ZBTB20: variants seen among roughly 807,000 people sequenced by gnomAD.
The protein encoded by ZBTB20 is zinc finger and BTB domain-containing protein 20.
ZBTB20 carries 9 observed loss-of-function variants against 56.9 expected under a neutral mutation model. That is an observed-to-expected ratio of 0.16 (90% confidence interval 0.10 to 0.28). The LOEUF is 0.28. Ranked by LOEUF, ZBTB20 falls within the 10% of genes least tolerant of loss-of-function variation. The pLI, the probability that ZBTB20 is intolerant of heterozygous loss-of-function variation, is 1.00. For missense variants in ZBTB20, 655 were observed against 1,003.0 expected (o/e 0.65, Z 4.69); for synonymous variants, 417 against 420.7 (o/e 0.99, Z 0.11).
At chr3:114,949,119 T>C (rs1443339410) in intron 3 of ZBTB20, among the ~76,000 whole-genome samples, 1 of 146,242 alleles carries the variant, frequency 6.8e-6, no homozygotes, top group Non-Finnish European at 1.5e-5. Flanking sequence ...AATATGTCCA[T>C]GAATATGTAG....
At chr3:114,376,171 A>G (rs1217975698) in intron 10 of ZBTB20, among the ~76,000 whole-genome samples, 1 of 152,210 alleles carries the variant, frequency 6.6e-6, no homozygotes, top group Non-Finnish European at 1.5e-5. Flanking sequence ...TAATACGTAT[A>G]GATGGTTTTG....
At chr3:115,111,319 CAAA>C (rs1244543950) in intron 1 of ZBTB20, among the ~76,000 whole-genome samples, 1 of 151,744 alleles carries the variant, frequency 6.6e-6, no homozygotes, top group African/African-American at 2.4e-5. Flanking sequence ...GTATTAATTA[CAAA>C]AAGAGTTATG....
chr3:114,643,419 A>C (rs534623780), intron 6 of ZBTB20, among the ~76,000 whole-genome samples: 1 of 152,148 alleles, frequency 6.6e-6, no homozygotes, highest in Non-Finnish European at 1.5e-5. Context: ...ATGGACTGGG[A>C]ACTGATATAG....
At chr3:114,475,080 C>T (rs1326987679) in intron 7 of ZBTB20, among the ~76,000 whole-genome samples, 3 of 152,184 alleles carry the variant, frequency 2.0e-5, no homozygotes, top group Non-Finnish European at 4.4e-5. Context: ...TCCCAATATA[C>T]TTTTACCGCT....
intron 5 of ZBTB20, among the ~76,000 whole-genome samples, chr3:114,707,653 C>G (rs989885646): frequency 6.6e-6 from 1 of 152,116 alleles, no homozygotes; most frequent in South Asian, 2.1e-4. Flanking sequence ...GTGGAAGAAG[C>G]GGGAACTAGT....
At chr3:114,512,431 T>C (rs1359603923) in intron 6 of ZBTB20, among the ~76,000 whole-genome samples, 1 of 152,158 alleles carries the variant, frequency 6.6e-6, no homozygotes, top group East Asian at 1.9e-4. Flanking sequence ...CACTCTAATG[T>C]ATGTTTTGGA....
intron 2 of ZBTB20, among the ~76,000 whole-genome samples, chr3:115,050,748 G>C (rs942463079): frequency 6.6e-6 from 1 of 152,002 alleles, no homozygotes; most frequent in Non-Finnish European, 1.5e-5. Context: ...GCAGATGACA[G>C]TTCTGATTAA....
intron 4 of ZBTB20, among the ~76,000 whole-genome samples, chr3:114,894,695 A>G (rs758876257): frequency 1.3e-5 from 2 of 152,198 alleles, no homozygotes; most frequent in Non-Finnish European, 2.9e-5. Context: ...ATGGCCATCT[A>G]TATGTCAAGG....
chr3:114,795,095 A>G (rs974164911), intron 5 of ZBTB20, among the ~76,000 whole-genome samples: 1 of 151,960 alleles, frequency 6.6e-6, no homozygotes, highest in Non-Finnish European at 1.5e-5. Context: ...ACTTGACCTT[A>G]TCTTAGAAGG....
At chr3:114,620,102 T>C (rs1220124536) in intron 6 of ZBTB20, among the ~76,000 whole-genome samples, 1 of 152,182 alleles carries the variant, frequency 6.6e-6, no homozygotes. Flanking sequence ...GGAAAATGAA[T>C]GGAACTACTG....
chr3:114,973,884 A>C (rs1477216263), intron 3 of ZBTB20, among the ~76,000 whole-genome samples: 1 of 152,132 alleles, frequency 6.6e-6, no homozygotes, highest in African/African-American at 2.4e-5. Flanking sequence ...ACTTCTGACT[A>C]TCAGTAGCCA....
intron 2 of ZBTB20, among the ~76,000 whole-genome samples, chr3:115,060,047 A>C (rs1263362072): frequency 8.5e-5 from 13 of 152,202 alleles, no homozygotes; most frequent in Non-Finnish European, 1.5e-5. Flanking sequence ...TTAAGACGAC[A>C]AGATCAAACA....
chr3:115,043,719 C>A (rs901603893), intron 2 of ZBTB20, among the ~76,000 whole-genome samples: 6 of 151,846 alleles, frequency 4.0e-5, no homozygotes, highest in African/African-American at 1.5e-4. Flanking sequence ...AGTTTTACTC[C>A]ACATTTTCTT....
At chr3:114,680,129 C>G (rs927085505) in intron 6 of ZBTB20, among the ~76,000 whole-genome samples, 8 of 152,118 alleles carry the variant, frequency 5.3e-5, no homozygotes, top group African/African-American at 1.7e-4. Context: ...ACACCAGGGC[C>G]TATCTGGGGG....
chr3:114,590,351 T>C (rs11718326), intron 6 of ZBTB20, among the ~76,000 whole-genome samples: 14,220 of 151,948 alleles, frequency 0.094, 766 homozygotes, highest in African/African-American at 0.14. Context: ...AGCAGGAGGC[T>C]GAGGCAAGTG....
At chr3:114,716,000 T>C (rs1347738709) in intron 5 of ZBTB20, among the ~76,000 whole-genome samples, 1 of 152,232 alleles carries the variant, frequency 6.6e-6, no homozygotes, top group African/African-American at 2.4e-5. Context: ...TGGCCTCTTA[T>C]AATCATGAGC....
At chr3:114,416,508 T>G (rs1389349256) in intron 7 of ZBTB20, among the ~76,000 whole-genome samples, 1 of 152,000 alleles carries the variant, frequency 6.6e-6, no homozygotes, top group Non-Finnish European at 1.5e-5. Flanking sequence ...ATCCCCCACT[T>G]TCTCCCCTTC....
chr3:114,842,756 G>A (rs945517165), intron 4 of ZBTB20, among the ~76,000 whole-genome samples: 2 of 152,186 alleles, frequency 1.3e-5, no homozygotes, highest in African/African-American at 4.8e-5. Flanking sequence ...TAATGGAAAC[G>A]TATAGGTTAG....
rs2054197505 is a variant in ZBTB20, at chr3:114,577,399, AC to A, written c.-294-77009del. On this transcript the variant is annotated intron_variant, in intron 6 of 11. Transcript: ENST00000675478. The stretch of plus-strand genomic sequence containing the variant: ...AAGCACAATAAAAATAATATAAAAA[AC>A]ATAATAAAGAGAGATAAGAATCAAA... Among the ~76,000 whole-genome samples, 3 of 152,210 alleles carry A rather than the reference AC, an allele frequency of 2.0e-5. No homozygotes were observed. In the South Asian group the frequency reaches 6.2e-4, roughly 32 times the overall value.
Sources: allele counts gnomAD v4.1 joint callset (sites outside exome capture counted in the v4.1 genomes callset), GRCh38; gene constraint gnomAD v4.1.1; transcripts MANE v1.5; gene names NCBI Gene and HGNC (gene_info 2026-07-23, HGNC 2026-07-21).